ZBTB40: variants seen among roughly 807,000 people sequenced by gnomAD.
ZBTB40 encodes zinc finger and BTB domain-containing protein 40.
In ZBTB40, 60 loss-of-function variants were observed where a neutral mutation model predicts 117.5. The ratio of observed to expected loss-of-function variants is 0.51; its 90% CI spans 0.41 to 0.63. The LOEUF is 0.63. Ranked by LOEUF, ZBTB40 falls within the 30% of genes least tolerant of loss-of-function variation. ZBTB40 has a pLI of 0.00. For missense variants in ZBTB40, 1,287 were observed against 1,498.5 expected (o/e 0.86, Z 2.33); for synonymous variants, 525 against 577.1 (o/e 0.91, Z 1.29).
intron 13 of ZBTB40, 63 bp downstream of exon 13, chr1:22,517,527 T>C: frequency 6.4e-7 from 1 of 1,571,512 alleles, no homozygotes; most frequent in Non-Finnish European, 8.6e-7. Context: ...AGCGTGTCAA[T>C]TGCAGCAGAG....
intron 5 of ZBTB40, among the ~76,000 whole-genome samples, chr1:22,502,721 G>T (rs1390004101): frequency 3.9e-5 from 6 of 152,060 alleles, no homozygotes. Context: ...ATGGATGGAT[G>T]GACGGACGGA....
intron 1 of ZBTB40, among the ~76,000 whole-genome samples, chr1:22,437,577 AC>A (rs1175354908): frequency 6.6e-6 from 1 of 151,052 alleles, no homozygotes; most frequent in Non-Finnish European, 1.5e-5. Flanking sequence ...GCACCACTAC[AC>A]CCGGCTAATT....
intron 12 of ZBTB40, among the ~76,000 whole-genome samples, chr1:22,516,533 CCATT>C (rs1262974510): frequency 2.0e-5 from 3 of 152,288 alleles, no homozygotes; most frequent in African/African-American, 7.2e-5. Context: ...TTTCACCTCT[CCATT>C]CAAGGAACCC....
At chr1:22,433,654 C>G (rs1176586318) in intron 1 of ZBTB40, among the ~76,000 whole-genome samples, 1 of 145,212 alleles carries the variant, frequency 6.9e-6, no homozygotes, top group Non-Finnish European at 1.5e-5. Flanking sequence ...TAGGACTACC[C>G]CTGTAGTCCT....
At chr1:22,467,113 T>G (rs1641275065) in intron 1 of ZBTB40, among the ~76,000 whole-genome samples, 2 of 152,200 alleles carry the variant, frequency 1.3e-5, no homozygotes, top group South Asian at 4.1e-4. Context: ...ACATAAATAT[T>G]TCATTGCATA....
chr1:22,506,283 C>T, intron 6 of ZBTB40, 42 bp downstream of exon 6: 2 of 1,606,040 alleles, frequency 1.2e-6, no homozygotes, highest in South Asian at 2.2e-5. Flanking sequence ...AACCACTCTT[C>T]CAGAAAATTG....
At chr1:22,456,191 T>C (rs1278994247) in intron 1 of ZBTB40, among the ~76,000 whole-genome samples, 2 of 152,100 alleles carry the variant, frequency 1.3e-5, no homozygotes, top group Non-Finnish European at 2.9e-5. Flanking sequence ...AATTGAGAGA[T>C]GAGATTGTCA....
chr1:22,514,407 A>C (rs1359864495), intron 12 of ZBTB40, among the ~76,000 whole-genome samples: 1 of 152,178 alleles, frequency 6.6e-6, no homozygotes, highest in African/African-American at 2.4e-5. Context: ...TCCTTAAGAT[A>C]GCCTCCTCAG....
chr1:22,483,204 A>T (rs1557497505), intron 1 of ZBTB40, among the ~76,000 whole-genome samples: 1 of 151,984 alleles, frequency 6.6e-6, no homozygotes, highest in African/African-American at 2.4e-5. Context: ...CATTATATCT[A>T]CTTCTTGGTT....
chr1:22,510,405 C>T (rs1315827371), intron 9 of ZBTB40, among the ~76,000 whole-genome samples: 1 of 152,200 alleles, frequency 6.6e-6, no homozygotes, highest in Non-Finnish European at 1.5e-5. Flanking sequence ...GGGGCTTCTG[C>T]AGTTGATCAG....
chr1:22,502,331 C>A lies in ZBTB40; in HGVS notation c.1057C>A (p.Leu353Met). The change falls in exon 5 of 18, where the codon CTG becomes ATG. Residue 353 changes from leucine (L) to methionine (M), a missense_variant. Around this residue, in one of 2 missense-constraint regions of ZBTB40, gnomAD observed 870 missense variants for 934.4 expected, o/e 0.93. Transcript: ENST00000375647. ...STEEGKTLSV[L>M]LLEHKEDLIQ... The stretch of plus-strand genomic sequence containing the variant: ...AGAGGAGGGAAAGACCTTGTCTGTT[C>A]TGTTACTAGAACACAAAGAGGACCT... 3.1e-6 allele frequency: 5 copies of A among 1,613,910 alleles called. No homozygotes were observed. Among genetic ancestry groups the A allele is most frequent in the Non-Finnish European group, 4.2e-6 (5 of 1,179,894 alleles).
At chr1:22,520,711 T>G (rs1639498436) in intron 14 of ZBTB40, among the ~76,000 whole-genome samples, 1 of 152,184 alleles carries the variant, frequency 6.6e-6, no homozygotes, top group African/African-American at 2.4e-5. Flanking sequence ...CCTTAGGATT[T>G]GATATGTAAT....
At chr1:22,515,256 C>T (rs1328462400) in intron 12 of ZBTB40, among the ~76,000 whole-genome samples, 1 of 152,148 alleles carries the variant, frequency 6.6e-6, no homozygotes, top group East Asian at 1.9e-4. Flanking sequence ...GCAGAGTCAA[C>T]GAGGAAGAGC....
At chr1:22,467,079 A>C (rs924857011) in intron 1 of ZBTB40, among the ~76,000 whole-genome samples, 1 of 152,142 alleles carries the variant, frequency 6.6e-6, no homozygotes, top group African/African-American at 2.4e-5. Flanking sequence ...TTAACCATTA[A>C]TACTATTGCT....
At position 22,490,654 on chromosome 1, in the gene ZBTB40, C is replaced by T. The variant is rs765082956; in HGVS notation, c.697+9C>T. On this transcript the variant is annotated intron_variant, in intron 2 of 17. Coordinates refer to ENST00000375647, the MANE Select transcript of ZBTB40 (RefSeq NM_014870.4). The stretch of plus-strand genomic sequence containing the variant: ...GACAAGCACAGAACCAGGTAACAGT[C>T]ATTGTTTTATATTCCATCCTTCTGT... 1 of 1,611,568 alleles carries T rather than the reference C, an allele frequency of 6.2e-7. No homozygotes were observed. The highest frequency in any genetic ancestry group is 1.1e-5 in the South Asian group (1 of 91,002).
rs184546058 is a variant in ZBTB40 at position 22,470,789 on chromosome 1, G to A, written c.-70+18785G>A. Among the ~76,000 whole-genome samples, 1,289 of 152,330 alleles carry A rather than the reference G, an allele frequency of 8.5e-3. 23 individuals carry two copies. Among genetic ancestry groups the A allele is most frequent in the African/African-American group, 0.029 (1,188 of 41,568 alleles). ...TGTCAGTTGGCAGTGCCCGTGCCGT[G>A]TAGTTGGCCCTCAGACTCCACCTGC... On this transcript the variant is annotated intron_variant, in intron 1 of 17. Transcript: ENST00000375647.
chr1:22,471,658 A>T (rs1641406743), intron 1 of ZBTB40, among the ~76,000 whole-genome samples: 1 of 152,216 alleles, frequency 6.6e-6, no homozygotes, highest in South Asian at 2.1e-4. Context: ...AGGGATATGG[A>T]AAAGGGCAGA....
At chr1:22,484,500 T>G (rs897087859) in intron 1 of ZBTB40, among the ~76,000 whole-genome samples, 2 of 152,242 alleles carry the variant, frequency 1.3e-5, no homozygotes, top group Non-Finnish European at 2.9e-5. Flanking sequence ...CCTTATGTCT[T>G]ACAACTTTGT....
chr1:22,501,460 A>C (rs1638933741), intron 3 of ZBTB40, 32 bp from the exon 4 acceptor site: 2 of 1,612,954 alleles, frequency 1.2e-6, no homozygotes, highest in Non-Finnish European at 8.5e-7. Context: ...GTGGTTCGCT[A>C]ATCTATCTTT....
Sources: gnomAD v4.1 joint callset for allele counts (sites outside exome capture counted in the v4.1 genomes callset) on GRCh38, gnomAD v4.1.1 for gene constraint, gnomAD v4.1.1 regional missense constraint, MANE v1.5 for transcripts, NCBI Gene and HGNC (gene_info 2026-07-23, HGNC 2026-07-21) for gene names.